WDR70: variants seen among roughly 807,000 people sequenced by gnomAD.
The protein encoded by WDR70 is WD repeat-containing protein 70.
Under a neutral mutation model 88.6 loss-of-function variants are expected in WDR70, and 53 were observed. That is an observed-to-expected ratio of 0.60 (90% CI 0.48 to 0.75). The LOEUF is 0.75. WDR70 is among the 30% of genes least tolerant of loss of function. The probability of loss-of-function intolerance (pLI) is 0.00; values close to 1 mark genes in which losing one functional copy is unlikely to be tolerated. For missense variants in WDR70, 610 were observed against 823.2 expected, an observed-to-expected ratio of 0.74 and a Z score of 3.17; for synonymous variants, 280 against 270.0, an observed-to-expected ratio of 1.04 and a Z score of -0.36.
Position 37,693,919 on chromosome 5 carries a change from C to T in WDR70, c.1093-3736C>T, listed in dbSNP as rs189288843. ...AACTACCATCAGAGTGAACAGGCAA[C>T]CTACAAAATGGGAGAAAATTTTTGC... On this transcript the variant is annotated intron_variant, in intron 10 of 17. Coordinates refer to ENST00000265107, the MANE Select transcript of WDR70 (RefSeq NM_018034.4). Among the ~76,000 whole-genome samples, 532 of 152,254 alleles carry T rather than the reference C, an allele frequency of 3.5e-3. 9 individuals are homozygous for T. Among genetic ancestry groups the T allele is most frequent in the Admixed American group, 0.025 (378 of 15,300 alleles).
intron 10 of WDR70, among the ~76,000 whole-genome samples, chr5:37,658,367 A>C (rs923008480): frequency 6.6e-6 from 1 of 152,190 alleles, no homozygotes; most frequent in South Asian, 2.1e-4. Flanking sequence ...CCCTCTAGTC[A>C]TATATAATTC....
At chr5:37,545,625 C>T (rs944336735) in intron 9 of WDR70, among the ~76,000 whole-genome samples, 2 of 151,874 alleles carry the variant, frequency 1.3e-5, no homozygotes, top group African/African-American at 2.4e-5. Flanking sequence ...CTCCGCCTCC[C>T]GGCTTCAAGC....
intron 9 of WDR70, among the ~76,000 whole-genome samples, chr5:37,523,499 C>T (rs1371288453): frequency 6.6e-6 from 1 of 152,046 alleles, no homozygotes; most frequent in Non-Finnish European, 1.5e-5. Context: ...TCATCAAAGA[C>T]CAAAGGTAGA....
intron 7 of WDR70, among the ~76,000 whole-genome samples, chr5:37,459,192 T>C (rs1442388089): frequency 1.4e-5 from 1 of 71,092 alleles, no homozygotes; most frequent in African/African-American, 4.5e-5. Context: ...GTCTGAGAGA[T>C]AGTTTGTTAT....
intron 3 of WDR70, among the ~76,000 whole-genome samples, chr5:37,384,133 T>A (rs933357475): frequency 1.3e-5 from 2 of 151,724 alleles, no homozygotes; most frequent in Admixed American, 1.3e-4. Flanking sequence ...AAAACCAAGT[T>A]GTTTCCTATC....
At chr5:37,748,980 G>C (rs1748717324) in intron 17 of WDR70, among the ~76,000 whole-genome samples, 1 of 152,210 alleles carries the variant, frequency 6.6e-6, no homozygotes, top group African/African-American at 2.4e-5. Flanking sequence ...AGGCTGTGGA[G>C]AAATAGGAAC....
intron 3 of WDR70, among the ~76,000 whole-genome samples, chr5:37,382,536 C>A (rs528543651): frequency 6.6e-6 from 1 of 151,996 alleles, no homozygotes; most frequent in South Asian, 2.1e-4. Context: ...CTCAGCCCCC[C>A]AGGTAGCTGG....
chr5:37,400,546 G>A (rs1749161380), intron 5 of WDR70, among the ~76,000 whole-genome samples: 1 of 152,100 alleles, frequency 6.6e-6, no homozygotes, highest in South Asian at 2.1e-4. Context: ...CCTCTCCCAC[G>A]GGAAAGGAAG....
chr5:37,468,487 T>G (rs575814596), intron 7 of WDR70, among the ~76,000 whole-genome samples: 2 of 152,316 alleles, frequency 1.3e-5, no homozygotes, highest in African/African-American at 4.8e-5. Context: ...AAATTTTTAT[T>G]GACACATAAT....
chr5:37,677,269 TC>T (rs1746258184), intron 10 of WDR70, among the ~76,000 whole-genome samples: 1 of 152,032 alleles, frequency 6.6e-6, no homozygotes. Context: ...TTTCTTGCCT[TC>T]TGCTAGCTTT....
At chr5:37,518,962 C>G (rs1327469172) in intron 9 of WDR70, among the ~76,000 whole-genome samples, 1 of 152,068 alleles carries the variant, frequency 6.6e-6, no homozygotes, top group African/African-American at 2.4e-5. Flanking sequence ...CCATTTAACC[C>G]TGAGTTGACA....
rs892547631 is a variant in WDR70, at chr5:37,384,578, T to G, written c.175+2893T>G. On this transcript the variant is annotated intron_variant, in intron 3 of 17. Coordinates refer to ENST00000265107, the MANE Select transcript of WDR70 (RefSeq NM_018034.4). ...GGGAGGCTGAGGCAGGAGAATGGCG[T>G]GAACCCTGGAGGCAGAGCTTGCAGT... 1.1e-4 allele frequency among the ~76,000 whole-genome samples: 16 copies of G among 139,598 alleles called. 1 individual carries two copies. The highest frequency in any genetic ancestry group is 4.3e-4 in the African/African-American group (16 of 37,098). 91.6% of individuals were successfully genotyped at this position (139,598 alleles called of 152,430 possible).
chr5:37,490,617 C>A (rs996946025), intron 8 of WDR70, among the ~76,000 whole-genome samples: 3 of 151,604 alleles, frequency 2.0e-5, no homozygotes, highest in African/African-American at 7.3e-5. Context: ...AGGCTCTGGT[C>A]CCTGGCTGCA....
chr5:37,475,054 G>A (rs973321903), intron 7 of WDR70, among the ~76,000 whole-genome samples: 2 of 151,894 alleles, frequency 1.3e-5, no homozygotes, highest in Non-Finnish European at 1.5e-5. Flanking sequence ...GAGTAGCTGG[G>A]ATTACAAGCG....
intron 10 of WDR70, among the ~76,000 whole-genome samples, chr5:37,627,408 C>T (rs1280482495): frequency 1.3e-5 from 2 of 152,114 alleles, no homozygotes; most frequent in Non-Finnish European, 2.9e-5. Flanking sequence ...CATGCCAGGC[C>T]TCAGTCTCAA....
intron 5 of WDR70, among the ~76,000 whole-genome samples, chr5:37,435,477 G>A (rs1679746957): frequency 6.6e-6 from 1 of 152,112 alleles, no homozygotes; most frequent in African/African-American, 2.4e-5. Flanking sequence ...TGGAATTTGT[G>A]TTTGAATATT....
intron 10 of WDR70, among the ~76,000 whole-genome samples, chr5:37,615,135 C>G (rs974465046): frequency 6.6e-6 from 1 of 151,520 alleles, no homozygotes; most frequent in Non-Finnish European, 1.5e-5. Context: ...GTTGAGGAAG[C>G]CTAGGAAGTA....
At chr5:37,730,062 T>A (rs1748100002) in intron 17 of WDR70, among the ~76,000 whole-genome samples, 1 of 152,138 alleles carries the variant, frequency 6.6e-6, no homozygotes, top group Non-Finnish European at 1.5e-5. Context: ...TGGTCTAAGT[T>A]CCACTTGAAA....
chr5:37,561,419 T>C (rs1014336621), intron 9 of WDR70, among the ~76,000 whole-genome samples: 2 of 152,224 alleles, frequency 1.3e-5, no homozygotes, highest in Non-Finnish European at 2.9e-5. Flanking sequence ...ACAGAGATGG[T>C]ATACACTATG....
Sources: gnomAD v4.1 joint callset for allele counts (sites outside exome capture counted in the v4.1 genomes callset) on GRCh38, gnomAD v4.1.1 for gene constraint, MANE v1.5 for transcripts, NCBI Gene and HGNC (gene_info 2026-07-23, HGNC 2026-07-21) for gene names.